CSMD3: variants seen among roughly 807,000 people sequenced by gnomAD.
The protein encoded by CSMD3 is CUB and sushi domain-containing protein 3.
In CSMD3, 177 loss-of-function variants were observed where a neutral mutation model predicts 435.2. The ratio of observed to expected loss-of-function variants is 0.41; its 90% CI spans 0.36 to 0.46. The LOEUF is 0.46. CSMD3 is among the 20% of genes least tolerant of loss of function. The probability of loss-of-function intolerance (pLI) is 0.34; values close to 1 mark genes in which losing one functional copy is unlikely to be tolerated. For synonymous variants in CSMD3, 1,656 were observed against 1,520.5 expected, an observed-to-expected ratio of 1.09 and a Z score of -2.07; for missense variants, 4,265 against 4,504.6, an observed-to-expected ratio of 0.95 and a Z score of 1.52.
At chr8:113,425,619 G>A (rs942926484) in intron 1 of CSMD3, among the ~76,000 whole-genome samples, 6 of 151,346 alleles carry the variant, frequency 4.0e-5, no homozygotes, top group African/African-American at 1.5e-4. Flanking sequence ...GATATTAAAG[G>A]TTTTCTAGCA....
At chr8:112,848,643 T>C (rs1054675520) in intron 11 of CSMD3, among the ~76,000 whole-genome samples, 11 of 152,124 alleles carry the variant, frequency 7.2e-5, no homozygotes, top group African/African-American at 2.2e-4. Context: ...TACAAAGTGC[T>C]GTTTTATTTA....
At chr8:112,232,454 CA>C (rs1813177912) in intron 68 of CSMD3, among the ~76,000 whole-genome samples, 1 of 152,036 alleles carries the variant, frequency 6.6e-6, no homozygotes, top group South Asian at 2.1e-4. Context: ...ACTAAAATTA[CA>C]AAAATTAGCC....
intron 5 of CSMD3, among the ~76,000 whole-genome samples, chr8:113,054,213 T>G (rs1300258939): frequency 1.3e-5 from 2 of 152,212 alleles, no homozygotes; most frequent in South Asian, 2.1e-4. Flanking sequence ...TTTCCTTCTA[T>G]TCAGAAAAAT....
intron 5 of CSMD3, among the ~76,000 whole-genome samples, chr8:113,034,320 GTA>G (rs1456091308): frequency 6.6e-6 from 1 of 151,490 alleles, no homozygotes; most frequent in Non-Finnish European, 1.5e-5. Flanking sequence ...ACTGATGAAT[GTA>G]TACACAAAAT....
intron 31 of CSMD3, among the ~76,000 whole-genome samples, chr8:112,481,007 T>C (rs1217608155): frequency 1.3e-5 from 2 of 152,174 alleles, no homozygotes; most frequent in East Asian, 1.9e-4. Flanking sequence ...GTGTCCATGA[T>C]CCAACTATAT....
chr8:113,319,363 G>A (rs528864648), intron 1 of CSMD3, among the ~76,000 whole-genome samples: 1 of 151,960 alleles, frequency 6.6e-6, no homozygotes, highest in Non-Finnish European at 1.5e-5. Context: ...CTTCTTTGGA[G>A]AAATGTCTGT....
intron 52 of CSMD3, 67 bp from the exon 53 acceptor site, chr8:112,302,033 G>A (rs1312115790): frequency 1.1e-5 from 12 of 1,118,022 alleles, no homozygotes; most frequent in Non-Finnish European, 1.6e-5. Context: ...ACAAAACTGT[G>A]CTTTGAACAT....
At chr8:112,970,740 T>TA (rs1463872719) in intron 7 of CSMD3, among the ~76,000 whole-genome samples, 2 of 151,020 alleles carry the variant, frequency 1.3e-5, no homozygotes, top group Non-Finnish European at 3.0e-5. Flanking sequence ...TTTTTTTTTT[T>TA]ATATGGAGCC....
At chr8:112,784,247 C>T (rs1248259211) in intron 13 of CSMD3, among the ~76,000 whole-genome samples, 10 of 151,702 alleles carry the variant, frequency 6.6e-5, no homozygotes, top group Non-Finnish European at 1.5e-5. Context: ...ATAATGGAAA[C>T]ATAACATACC....
At chr8:112,307,733 T>C (rs1465662380) in intron 50 of CSMD3, among the ~76,000 whole-genome samples, 5 of 152,176 alleles carry the variant, frequency 3.3e-5, no homozygotes, top group African/African-American at 9.6e-5. Flanking sequence ...TGTTATAAAA[T>C]GAGAAAGCTT....
chr8:112,272,036 C>A (rs144083526), intron 59 of CSMD3, among the ~76,000 whole-genome samples: 3 of 152,114 alleles, frequency 2.0e-5, no homozygotes, highest in East Asian at 1.9e-4. Flanking sequence ...CCAGTCAGGG[C>A]GTAACATGCA....
chr8:112,249,755 A>T (rs1463072563), intron 63 of CSMD3, among the ~76,000 whole-genome samples: 1 of 152,050 alleles, frequency 6.6e-6, no homozygotes, highest in Admixed American at 6.6e-5. Flanking sequence ...AAATGCATGC[A>T]TATTTTCATG....
chr8:112,867,277 T>C (rs1005827288), intron 10 of CSMD3, among the ~76,000 whole-genome samples: 1 of 152,144 alleles, frequency 6.6e-6, no homozygotes, highest in African/African-American at 2.4e-5. Flanking sequence ...TTGAATTTTA[T>C]TCTTACCATC....
chr8:112,807,004 C>T (rs2079104317), intron 12 of CSMD3, among the ~76,000 whole-genome samples: 1 of 152,196 alleles, frequency 6.6e-6, no homozygotes, highest in Non-Finnish European at 1.5e-5. Context: ...TCTGGCCAGA[C>T]CACCAGGTGG....
chr8:113,385,966 A>G (rs894805636), intron 1 of CSMD3, among the ~76,000 whole-genome samples: 2 of 152,000 alleles, frequency 1.3e-5, no homozygotes, highest in African/African-American at 4.8e-5. Flanking sequence ...ATTTGGGGAC[A>G]TTCATGTTTT....
intron 15 of CSMD3, 123 bp from the exon 16 acceptor site, chr8:112,682,759 C>T: frequency 2.7e-6 from 2 of 751,464 alleles, no homozygotes; most frequent in Non-Finnish European, 4.5e-6. Flanking sequence ...TTTATTTCTA[C>T]ACAAGTTTTT....
At chr8:113,046,879 GT>G (rs1365005594) in intron 5 of CSMD3, among the ~76,000 whole-genome samples, 2 of 152,302 alleles carry the variant, frequency 1.3e-5, no homozygotes, top group East Asian at 3.9e-4. Flanking sequence ...GGCAGATCTG[GT>G]CTCCAAAAGA....
In CSMD3 at chr8:112,287,215, A is replaced by G. The variant is rs773296839; in HGVS notation, c.9180T>C (p.Gly3060=). 32 of 1,613,524 alleles carry G rather than the reference A, an allele frequency of 2.0e-5. No homozygotes were observed. The South Asian group carries it at 3.5e-4, about 18-fold the overall frequency. Residue 3060 remains glycine, a synonymous_variant, in exon 58 of 71, where the codon GGT becomes GGC. Transcript: ENST00000297405. ...CCTGTCTAGAGCCATGGCCGGGAGTACCTGGATCGCCACATGTCCCAGTAG... is the reference window on the plus strand; with the variant it reads ...CCTGTCTAGAGCCATGGCCGGGAGTGCCTGGATCGCCACATGTCCCAGTAG... ...GDATGTCGDP[G]TPGHGSRQES... is the part of the protein sequence containing the mutation.
chr8:112,842,906 A>G (rs1468306491), intron 11 of CSMD3, among the ~76,000 whole-genome samples: 2 of 151,866 alleles, frequency 1.3e-5, no homozygotes, highest in Non-Finnish European at 2.9e-5. Context: ...GATGTTAAAA[A>G]AACTATGTTG....
Sources: gnomAD v4.1 joint callset for allele counts (sites outside exome capture counted in the v4.1 genomes callset) on GRCh38, gnomAD v4.1.1 for gene constraint, MANE v1.5 for transcripts, NCBI Gene and HGNC (gene_info 2026-07-23, HGNC 2026-07-21) for gene names.